The following ACBD4 variants were observed in gnomAD, a reference collection of about 807,000 sequenced individuals.
ACBD4 encodes the protein acyl-CoA binding domain containing 4, also known as acyl-CoA-binding domain-containing protein 4.
ACBD4 carries 41 observed loss-of-function variants against 46.0 expected under a neutral mutation model. That is an observed-to-expected ratio of 0.89 (90% confidence interval 0.69 to 1.16). The LOEUF (loss-of-function observed/expected upper bound fraction) is 1.16, where lower values mean the gene tolerates loss of function less well. Among genes scored for constraint, ACBD4 ranks in the 50% most tolerant of loss-of-function variants. The pLI, the probability that ACBD4 is intolerant of heterozygous loss-of-function variation, is 0.00. For synonymous variants in ACBD4, 162 were observed against 155.9 expected (o/e 1.04, Z -0.29); for missense variants, 393 against 399.5 (o/e 0.98, Z 0.14).
intron 9 of ACBD4, among the ~76,000 whole-genome samples, chr17:45,142,324 C>T (rs772749878): frequency 8.4e-6 from 1 of 118,620 alleles, no homozygotes; most frequent in Non-Finnish European, 1.6e-5. Flanking sequence ...ACCCAGGAGG[C>T]GGAGGTTGCA....
Position 45,139,116 on chromosome 17 carries a change from G to A in ACBD4, c.745G>A (p.Ala249Thr). Residue 249 changes from alanine (A) to threonine (T), a missense_variant, in exon 9 of 10, where the codon GCG becomes ACG. Ala to Thr is a moderately conservative substitution (Grantham distance 58). Transcript: ENST00000321854. ...ACAGGAGAGCATGCAGGAGGTGCAGGCGAGGGTGCAGAGCCTGGAGAGCAT... is the reference window on the plus strand; with the variant it reads ...ACAGGAGAGCATGCAGGAGGTGCAGACGAGGGTGCAGAGCCTGGAGAGCAT... Reference protein sequence around the residue: ...ALQESMQEVQARVQSLESMPR... With the variant: ...ALQESMQEVQTRVQSLESMPR... 1 of 1,613,864 alleles carries A rather than the reference G, an allele frequency of 6.2e-7. No individual in the cohort carries two copies. Among genetic ancestry groups the A allele is most frequent in the Non-Finnish European group, 8.5e-7 (1 of 1,180,038 alleles).
chr17:45,139,772 C>T (rs577667981), intron 9 of ACBD4, among the ~76,000 whole-genome samples: 4 of 152,358 alleles, frequency 2.6e-5, no homozygotes, highest in East Asian at 1.9e-4. Flanking sequence ...TGAGGGCACA[C>T]AGCCTGGGAG....
intron 9 of ACBD4, among the ~76,000 whole-genome samples, chr17:45,142,389 C>CAAAAAAAAAAAA (rs1161132274): frequency 3.0e-3 from 86 of 28,608 alleles, no homozygotes; most frequent in Admixed American, 4.5e-3. Flanking sequence ...CAAGACTCCT[C>CAAAAAAAAAAAA]AAAAAAAAAA....
chr17:45,136,891 C>G, intron 4 of ACBD4, 115 bp downstream of exon 4: 13 of 1,578,798 alleles, frequency 8.2e-6, no homozygotes, highest in Non-Finnish European at 1.1e-5. Flanking sequence ...TCACCACCTT[C>G]ATGTTACCCC....
upstream of ACBD4, among the ~76,000 whole-genome samples, chr17:45,134,174 G>T (rs748370123): frequency 3.3e-5 from 5 of 152,174 alleles, no homozygotes; most frequent in South Asian, 6.2e-4. Flanking sequence ...TAGAGACAAG[G>T]TCTCACTACT....
At chr17:45,132,224 C>T (rs2143621743), upstream of ACBD4, 2 of 1,257,814 alleles carry the variant, frequency 1.6e-6, no homozygotes, top group East Asian at 6.1e-5. This position sits in a 1 kb window ranked among gnomAD's most constrained non-coding sequence, Gnocchi z 4.6. Flanking sequence ...GCGCCCACCC[C>T]ACCGCCCCTT....
upstream of ACBD4, chr17:45,133,069 C>T (rs1284690594): frequency 6.6e-6 from 1 of 152,518 alleles, no homozygotes; most frequent in Admixed American, 6.5e-5. Flanking sequence ...AGTCTCGGAG[C>T]TGACGGACCT....
chr17:45,133,657 A>G (rs1274488756), upstream of ACBD4, among the ~76,000 whole-genome samples: 7 of 139,802 alleles, frequency 5.0e-5, no homozygotes, highest in Non-Finnish European at 9.2e-5. Flanking sequence ...TCAGCCTCCC[A>G]AGTAGCTGGG....
upstream of ACBD4, among the ~76,000 whole-genome samples, chr17:45,133,828 G>A (rs1225652930): frequency 6.6e-6 from 1 of 152,146 alleles, no homozygotes; most frequent in African/African-American, 2.4e-5. Context: ...ACCGCGCCCG[G>A]CCCTGAATTT....
chr17:45,141,771 C>G (rs1360820311), intron 9 of ACBD4, among the ~76,000 whole-genome samples: 1 of 152,172 alleles, frequency 6.6e-6, no homozygotes, highest in Non-Finnish European at 1.5e-5. Context: ...ATTAGTAACT[C>G]TAGCATGGAC....
chr17:45,143,371 T>C, intron 9 of ACBD4, 72 bp from the exon 10 acceptor site: 4 of 1,290,722 alleles, frequency 3.1e-6, no homozygotes, highest in Middle Eastern at 2.7e-4. Context: ...TTCCACTGAA[T>C]TGGAAGCAGG....
At chr17:45,142,888 T>C (rs1199667897) in intron 9 of ACBD4, 1 of 153,322 alleles carries the variant, frequency 6.5e-6, no homozygotes, top group Admixed American at 6.5e-5. Flanking sequence ...GCTCAGACAG[T>C]CACAACTTTG....
chr17:45,137,398 T>G lies in ACBD4; in HGVS notation c.446T>G (p.Val149Gly). The part of the protein sequence containing the change: ...GWKEQVVNGD[V>G]GAVSEPPCLP... ...AAAGAGCAGGTTGTGAATGGAGATG[T>G]TGGGGCTGTTTCAGAGCCTCCCTGC... is the stretch of plus-strand genomic sequence containing the variant. Residue 149 changes from valine (V) to glycine (G), a missense_variant, in exon 6 of 10, where the codon GTT becomes GGT. Around this residue, in one of 3 missense-constraint regions of ACBD4, gnomAD observed 308 missense variants for 301.8 expected, o/e 1.02. Transcript: ENST00000321854. 1.2e-6 allele frequency: 2 copies of G among 1,614,016 alleles called. No individual in the cohort carries two copies. The highest frequency in any genetic ancestry group is 1.7e-6 in the Non-Finnish European group (2 of 1,179,992).
At position 45,138,002 on chromosome 17, in the gene ACBD4, C is replaced by T. The variant is rs1567902741; in HGVS notation, c.649+14C>T. 1 of 1,609,574 alleles carries T rather than the reference C, an allele frequency of 6.2e-7. No homozygotes were observed. Among genetic ancestry groups the T allele is most frequent in the Non-Finnish European group, 8.5e-7 (1 of 1,178,088 alleles). ...CCACAAAGAAAGGTGAGCTCCTACC[C>T]AACCTCTCACCCACTTCTGCCCTTT... On this transcript the variant is annotated intron_variant, in intron 8 of 9. Transcript: ENST00000321854.
upstream of ACBD4, among the ~76,000 whole-genome samples, chr17:45,134,261 C>T (rs2054647262): frequency 6.6e-6 from 1 of 152,176 alleles, no homozygotes; most frequent in African/African-American, 2.4e-5. Context: ...CCTTGGCCTC[C>T]CAAAGTGTTG....
At chr17:45,132,157 G>A (rs2143620785), upstream of ACBD4, 2 of 1,192,386 alleles carry the variant, frequency 1.7e-6, no homozygotes, top group South Asian at 8.5e-5. This position sits in a 1 kb window ranked among gnomAD's most constrained non-coding sequence, Gnocchi z 4.6. Context: ...CGTGCAGCCT[G>A]GGGAATCCAC....
Position 45,143,477 on chromosome 17 carries a change from C to T in ACBD4, c.824C>T (p.Pro275Leu), listed in dbSNP as rs778309979. Residue 275 changes from proline (P) to leucine (L), a missense_variant, in exon 10 of 10, where the codon CCC (proline) becomes CTC (leucine). Coordinates refer to ENST00000321854, the MANE Select transcript of ACBD4 (RefSeq NM_001135705.3). ...CCCAGGCCCAGTGCTCGGCCATGGC[C>T]CCTTGGGCTCCCGGGGCCCGCGCTG... ...PQPRPSARPW[P>L]LGLPGPALLF... 1.2e-6 allele frequency: 2 copies of T among 1,613,080 alleles called. No individual in the cohort carries two copies. The highest frequency in any genetic ancestry group is 2.2e-5 in the South Asian group (2 of 91,066).
intron 9 of ACBD4, among the ~76,000 whole-genome samples, chr17:45,139,865 C>A (rs574387943): frequency 1.3e-5 from 2 of 152,226 alleles, no homozygotes; most frequent in African/African-American, 2.4e-5. Flanking sequence ...CTTCTCCAGT[C>A]GGTTCTGTTG....
upstream of ACBD4, chr17:45,132,619 AGGCGGTGGCCT>A (rs2054489591): frequency 3.8e-6 from 1 of 265,668 alleles, no homozygotes; most frequent in Non-Finnish European, 7.0e-6. This position sits in a 1 kb window ranked among gnomAD's most constrained non-coding sequence, Gnocchi z 4.6. Context: ...GGGCGGGGCC[AGGCGGTGGCCT>A]GGAAGCCCGG....
Sources: allele counts gnomAD v4.1 joint callset (sites outside exome capture counted in the v4.1 genomes callset), GRCh38; gene constraint gnomAD v4.1.1; regional missense constraint gnomAD v4.1.1; non-coding constraint Gnocchi (gnomAD v3.1); transcripts MANE v1.5; gene names NCBI Gene and HGNC (gene_info 2026-07-23, HGNC 2026-07-21).